Variants in NLN observed in about 807,000 individuals in gnomAD.
The protein encoded by NLN is neurolysin, mitochondrial.
In NLN, 64 loss-of-function variants were observed where a neutral mutation model predicts 79.9. That is an observed-to-expected ratio of 0.80 (90% CI 0.65 to 0.99). The LOEUF is 0.99. Among genes scored for constraint, NLN ranks in the 50% least tolerant of loss-of-function variants. The probability of loss-of-function intolerance (pLI) is 0.00; values close to 1 mark genes in which losing one functional copy is unlikely to be tolerated. For synonymous variants in NLN, 267 were observed against 296.6 expected (o/e 0.90, Z 1.02); for missense variants, 835 against 858.7 (o/e 0.97, Z 0.34).
At chr5:65,749,669 C>T (rs559595685) in intron 1 of NLN, among the ~76,000 whole-genome samples, 1 of 152,276 alleles carries the variant, frequency 6.6e-6, no homozygotes, top group South Asian at 2.1e-4. Flanking sequence ...ACAGTAAGTT[C>T]ACAAATATTT....
chr5:65,818,751 C>T (rs1425067679), intron 12 of NLN: 4 of 152,348 alleles, frequency 2.6e-5, no homozygotes, highest in African/African-American at 9.7e-5. Flanking sequence ...GATCGTCATC[C>T]CCCGTCCTTG....
chr5:65,738,312 G>GGT (rs2067268), intron 1 of NLN, among the ~76,000 whole-genome samples: 33,004 of 151,958 alleles, frequency 0.22, 4,180 homozygotes, highest in South Asian at 0.35. Context: ...GGCCAGGTGT[G>GGT]GTGCCTCATG....
chr5:65,780,073 A>C (rs1579944722), intron 4 of NLN, 106 bp from the exon 5 acceptor site: 3 of 617,604 alleles, frequency 4.9e-6, no homozygotes, highest in Non-Finnish European at 5.8e-6. Context: ...TGATCCACCC[A>C]CCTTAGCCTC....
At chr5:65,757,817 A>G (rs1003974694) in intron 1 of NLN, among the ~76,000 whole-genome samples, 5 of 151,782 alleles carry the variant, frequency 3.3e-5, no homozygotes, top group Admixed American at 6.6e-5. Context: ...AATTTTGGTT[A>G]AAAAAAATTG....
intron 12 of NLN, among the ~76,000 whole-genome samples, chr5:65,820,722 TTTTG>T (rs10648097): frequency 1.2e-4 from 18 of 151,212 alleles, no homozygotes; most frequent in Admixed American, 2.0e-4. Flanking sequence ...ACATGTTTTT[TTTTG>T]TTTGTTTGTT....
intron 9 of NLN, among the ~76,000 whole-genome samples, chr5:65,805,109 G>T (rs1408443744): frequency 6.6e-6 from 1 of 152,122 alleles, no homozygotes; most frequent in South Asian, 2.1e-4. Flanking sequence ...CTTTATAAGA[G>T]AGTGAACTTA....
At chr5:65,731,636 A>T (rs252646) in intron 1 of NLN, among the ~76,000 whole-genome samples, 1 of 151,736 alleles carries the variant, frequency 6.6e-6, no homozygotes, top group Admixed American at 6.6e-5. Context: ...ATTTTTATAC[A>T]GTCAGAAATA....
chr5:65,778,380 A>G (rs917084665), intron 4 of NLN, among the ~76,000 whole-genome samples: 1 of 152,210 alleles, frequency 6.6e-6, no homozygotes, highest in Non-Finnish European at 1.5e-5. Flanking sequence ...AAGAAATCCA[A>G]ATCAAGTGTT....
chr5:65,723,159 G>T (rs941324798), intron 1 of NLN: 7 of 152,208 alleles, frequency 4.6e-5, no homozygotes, highest in Admixed American at 4.6e-4. Flanking sequence ...TTCCAAATCT[G>T]CCCAGAACTG....
intron 1 of NLN, among the ~76,000 whole-genome samples, chr5:65,740,347 C>T (rs550054871): frequency 6.6e-6 from 1 of 152,204 alleles, no homozygotes; most frequent in South Asian, 2.1e-4. Context: ...TAACCCACTC[C>T]TGTTCTTCCC....
chr5:65,792,848 T>C (rs1176353349), intron 9 of NLN, 193 bp downstream of exon 9: 3 of 652,480 alleles, frequency 4.6e-6, no homozygotes, highest in Admixed American at 4.1e-5. Flanking sequence ...TGGAGGTTCA[T>C]CTACCAGTGA....
intron 12 of NLN, among the ~76,000 whole-genome samples, chr5:65,815,048 C>T (rs1760639885): frequency 6.6e-6 from 1 of 152,038 alleles, no homozygotes; most frequent in South Asian, 2.1e-4. Context: ...ATTTTAGAAG[C>T]CAGAAACAAT....
chr5:65,747,991 A>T (rs892697209), intron 1 of NLN, among the ~76,000 whole-genome samples: 6 of 152,094 alleles, frequency 3.9e-5, no homozygotes, highest in Admixed American at 3.3e-4. Context: ...ACCTGAGGTC[A>T]GGAGTTCAAG....
chr5:65,725,375 A>T (rs1758446161), intron 1 of NLN, among the ~76,000 whole-genome samples: 1 of 152,256 alleles, frequency 6.6e-6, no homozygotes, highest in Non-Finnish European at 1.5e-5. Flanking sequence ...TTGAAACTAT[A>T]TCAATGTACT....
Position 65,823,004 on chromosome 5 carries a change from A to G in NLN, c.*89A>G. ...CCTGGAAACTGAAGGGAGTTTTGCA[A>G]GTGAAAATTTAGATTTCTATTGACA... On this transcript the variant is annotated 3_prime_UTR_variant, in exon 13 of 13. Transcript: ENST00000380985. 9.5e-7 allele frequency: 1 copy of G among 1,049,942 alleles called. No homozygotes were observed. Among genetic ancestry groups the G allele is most frequent in the African/African-American group, 1.6e-5 (1 of 62,352 alleles). The allele number at this position is 1,049,942 out of a possible 1,614,324, so 65.0% of individuals were successfully genotyped here.
chr5:65,819,953 T>C (rs1036205220), intron 12 of NLN, among the ~76,000 whole-genome samples: 3 of 152,220 alleles, frequency 2.0e-5, no homozygotes, highest in Non-Finnish European at 4.4e-5. Context: ...TGCTCTGTAA[T>C]TCAGGAAATT....
chr5:65,731,804 A>G (rs1758617967), intron 1 of NLN, among the ~76,000 whole-genome samples: 1 of 124,874 alleles, frequency 8.0e-6, no homozygotes, highest in Non-Finnish European at 1.6e-5. Flanking sequence ...AGGCTGGAGT[A>G]TAGTGGAACA....
chr5:65,810,432 C>G (rs917418017), intron 11 of NLN, among the ~76,000 whole-genome samples: 2 of 152,198 alleles, frequency 1.3e-5, no homozygotes, highest in African/African-American at 4.8e-5. Context: ...GAGAGCCATT[C>G]GTGTTGGCAG....
At chr5:65,736,838 C>T (rs1191450420) in intron 1 of NLN, among the ~76,000 whole-genome samples, 6 of 152,198 alleles carry the variant, frequency 3.9e-5, no homozygotes, top group East Asian at 3.9e-4. Context: ...TGGTGGCTCA[C>T]GCCTGTAATC....
Sources: gnomAD v4.1 joint callset for allele counts (sites outside exome capture counted in the v4.1 genomes callset) on GRCh38, gnomAD v4.1.1 for gene constraint, MANE v1.5 for transcripts, NCBI Gene and HGNC (gene_info 2026-07-23, HGNC 2026-07-21) for gene names.